Variants in TESC observed in about 807,000 individuals in gnomAD.
TESC encodes the protein calcineurin B homologous protein 3.
Under a neutral mutation model 31.0 loss-of-function variants are expected in TESC, and 19 were observed. The observed-to-expected ratio is 0.61, with a 90% CI of 0.43 to 0.90. The LOEUF (loss-of-function observed/expected upper bound fraction) is 0.90. Ranked by LOEUF, TESC falls within the 40% of genes least tolerant of loss-of-function variation. TESC has a pLI of 0.00. For missense variants in TESC, 248 were observed against 303.8 expected (o/e 0.82, Z 1.36); for synonymous variants, 109 against 114.8 (o/e 0.95, Z 0.32).
Position 117,075,987 on chromosome 12 carries a change from T to A in TESC, c.59-647A>T, listed in dbSNP as rs540535424. The stretch of plus-strand genomic sequence containing the variant: ...TATATGTATGTATATATATATATAT[T>A]TTTTTTTTTTAGAAATACAGGGTTT... On this transcript the variant is annotated intron_variant, in intron 1 of 7. Transcript: ENST00000335209. Among the ~76,000 whole-genome samples, 371 of 125,534 alleles carry A rather than the reference T, an allele frequency of 3.0e-3. 6 individuals carry two copies. Among genetic ancestry groups the A allele is most frequent in the Middle Eastern group, 0.016 (4 of 258 alleles). 82.4% of individuals were successfully genotyped at this position (125,534 alleles called of 152,430 possible).
intron 1 of TESC, among the ~76,000 whole-genome samples, chr12:117,077,747 T>A (rs896776580): frequency 6.6e-6 from 1 of 152,222 alleles, no homozygotes; most frequent in Non-Finnish European, 1.5e-5. Context: ...GCATCATAGA[T>A]GACGCTAATA....
chr12:117,057,879 A>G (rs993131221), intron 2 of TESC, among the ~76,000 whole-genome samples: 1 of 152,138 alleles, frequency 6.6e-6, no homozygotes, highest in African/African-American at 2.4e-5. Context: ...CATAAAAAGG[A>G]ACCAAGTACT....
intron 3 of TESC, among the ~76,000 whole-genome samples, chr12:117,051,710 G>A (rs1954650126): frequency 6.6e-6 from 1 of 152,150 alleles, no homozygotes; most frequent in African/African-American, 2.4e-5. Flanking sequence ...AGACCCCTGG[G>A]GAAGGCAGGT....
In TESC at chr12:117,039,169, G is replaced by A. The variant is rs201444090; in HGVS notation, c.609C>T (p.Arg203=). 1.3e-3 allele frequency: 2,127 copies of A among 1,614,142 alleles called. 12 individuals are homozygous for A. The highest frequency in any genetic ancestry group is 6.7e-3 in the Admixed American group (400 of 60,008). ...GGGCCATGGTTTCCATGTTAAGGAA[G>A]CGGACGTGCATCTTGGTCTCAATGT... ...GIDIETKMHV[R]FLNMETMALC... Residue 203 remains arginine, a synonymous_variant, in exon 8 of 8, where the codon CGC becomes CGT. Coordinates refer to ENST00000335209, the MANE Select transcript of TESC (RefSeq NM_017899.4).
intron 2 of TESC, among the ~76,000 whole-genome samples, chr12:117,065,457 G>A (rs368153042): frequency 2.0e-4 from 30 of 152,310 alleles, no homozygotes; most frequent in South Asian, 1.7e-3. Flanking sequence ...ACAGAGGAAC[G>A]GGGGACCTCT....
At chr12:117,092,750 T>A (rs936381896) in intron 1 of TESC, among the ~76,000 whole-genome samples, 1 of 152,236 alleles carries the variant, frequency 6.6e-6, no homozygotes, top group Non-Finnish European at 1.5e-5. Context: ...GAACTGTGAT[T>A]GCACCACTAT....
chr12:117,046,507 C>G, intron 6 of TESC, 52 bp downstream of exon 6: 2 of 1,498,554 alleles, frequency 1.3e-6, no homozygotes, highest in Non-Finnish European at 1.8e-6. Context: ...GAAACGCAGA[C>G]CATAAGCGGG....
chr12:117,066,190 C>T (rs1348925041), intron 2 of TESC, among the ~76,000 whole-genome samples: 1 of 118,244 alleles, frequency 8.5e-6, no homozygotes, highest in African/African-American at 4.0e-5. Flanking sequence ...GCCCTGTTTC[C>T]TTCCTTTAGC....
chr12:117,069,824 A>G (rs1291310675), intron 2 of TESC, among the ~76,000 whole-genome samples: 3 of 152,230 alleles, frequency 2.0e-5, no homozygotes, highest in East Asian at 3.8e-4. Flanking sequence ...TCTAAGTGCA[A>G]CTTACAAATC....
At chr12:117,049,624 GGT>G (rs1954617879) in intron 3 of TESC, among the ~76,000 whole-genome samples, 1 of 152,064 alleles carries the variant, frequency 6.6e-6, no homozygotes, top group Non-Finnish European at 1.5e-5. Context: ...TTTCGGGCTG[GGT>G]GCGGTGGCTA....
chr12:117,059,132 AG>A (rs1954768764), intron 2 of TESC, among the ~76,000 whole-genome samples: 1 of 152,200 alleles, frequency 6.6e-6, no homozygotes, highest in African/African-American at 2.4e-5. Flanking sequence ...AGTCATTGGG[AG>A]TGGGATTCAA....
intron 2 of TESC, among the ~76,000 whole-genome samples, chr12:117,067,626 C>A (rs546783279): frequency 1.0e-3 from 157 of 152,286 alleles, no homozygotes; most frequent in South Asian, 4.4e-3. Flanking sequence ...AGCAAAGTGA[C>A]TGGGTTAAAA....
intron 2 of TESC, among the ~76,000 whole-genome samples, chr12:117,063,295 A>G (rs1954824507): frequency 6.6e-6 from 1 of 151,840 alleles, no homozygotes; most frequent in South Asian, 2.1e-4. Context: ...CCAGTTGCGC[A>G]TTTTTACGTT....
chr12:117,092,210 GT>G (rs1357167383), intron 1 of TESC, among the ~76,000 whole-genome samples: 5 of 152,200 alleles, frequency 3.3e-5, no homozygotes, highest in African/African-American at 1.2e-4. Flanking sequence ...AGCGGAACTG[GT>G]GGCTCAAAGA....
At chr12:117,091,400 T>A (rs559247308) in intron 1 of TESC, among the ~76,000 whole-genome samples, 3 of 152,330 alleles carry the variant, frequency 2.0e-5, no homozygotes, top group Middle Eastern at 3.4e-3. Flanking sequence ...ATTCTGTTTG[T>A]CTTACTGGGC....
intron 2 of TESC, among the ~76,000 whole-genome samples, chr12:117,072,186 A>G (rs963531151): frequency 1.3e-5 from 2 of 152,164 alleles, no homozygotes; most frequent in African/African-American, 4.8e-5. Flanking sequence ...TTAGACCCTC[A>G]GGATGGGGTG....
At chr12:117,078,325 G>C (rs1955100268) in intron 1 of TESC, among the ~76,000 whole-genome samples, 1 of 152,130 alleles carries the variant, frequency 6.6e-6, no homozygotes, top group African/African-American at 2.4e-5. Context: ...GATGAGCCAG[G>C]CATGGTGGTA....
intron 3 of TESC, among the ~76,000 whole-genome samples, chr12:117,055,536 C>T (rs1954708696): frequency 2.0e-5 from 3 of 152,186 alleles, no homozygotes; most frequent in African/African-American, 7.2e-5. Flanking sequence ...CTGTGCTGTC[C>T]CCTCAAGAAG....
chr12:117,085,422 G>T (rs572406809), intron 1 of TESC, among the ~76,000 whole-genome samples: 2 of 152,254 alleles, frequency 1.3e-5, no homozygotes, highest in Non-Finnish European at 1.5e-5. Context: ...GGTCGGGAAG[G>T]CAGAAGGTGG....
Sources: allele counts gnomAD v4.1 joint callset (sites outside exome capture counted in the v4.1 genomes callset), GRCh38; gene constraint gnomAD v4.1.1; transcripts MANE v1.5; gene names NCBI Gene and HGNC (gene_info 2026-07-23, HGNC 2026-07-21).